PCMTD2: variants seen among roughly 807,000 people sequenced by gnomAD.
The protein encoded by PCMTD2 is protein-L-isoaspartate (D-aspartate) O-methyltransferase domain containing 2.
Under a neutral mutation model 33.4 loss-of-function variants are expected in PCMTD2, and 16 were observed. That is an observed-to-expected ratio of 0.48 (90% CI 0.32 to 0.73). The LOEUF (loss-of-function observed/expected upper bound fraction) is 0.73, where lower values mean the gene tolerates loss of function less well. Ranked by LOEUF, PCMTD2 falls within the 30% of genes least tolerant of loss-of-function variation. PCMTD2 has a pLI of 0.03. For synonymous variants in PCMTD2, 161 were observed against 160.8 expected (o/e 1.00, Z -0.01); for missense variants, 374 against 449.9 (o/e 0.83, Z 1.53).
At chr20:64,268,946 T>C (rs1172718052) in intron 5 of PCMTD2, among the ~76,000 whole-genome samples, 1 of 152,152 alleles carries the variant, frequency 6.6e-6, no homozygotes, top group African/African-American at 2.4e-5. Flanking sequence ...GAGGGTGATG[T>C]CTGTGCTTGG....
rs147827663 is a variant in PCMTD2 at position 64,266,766 on chromosome 20, T to C, written c.583-1121T>C. ...AAATGCATTGGATTTTTTATTGGAA[T>C]TGTATCATCTCGATAATTTGAGGAT... On this transcript the variant is annotated intron_variant, in intron 4 of 5. Coordinates refer to ENST00000308824, the MANE Select transcript of PCMTD2 (RefSeq NM_018257.3). Among the ~76,000 whole-genome samples the C allele has an allele frequency of 9.2e-5, 14 of 152,372 alleles. No homozygotes were observed. In the East Asian group the frequency reaches 2.7e-3, roughly 29 times the overall value.
chr20:64,263,527 C>T (rs1490773595), intron 2 of PCMTD2, among the ~76,000 whole-genome samples: 1 of 152,156 alleles, frequency 6.6e-6, no homozygotes, highest in East Asian at 1.9e-4. Context: ...CAAGTAAAGT[C>T]CTACGTGCCT....
intron 2 of PCMTD2, among the ~76,000 whole-genome samples, chr20:64,261,056 A>G (rs1256905307): frequency 2.0e-5 from 3 of 152,146 alleles, no homozygotes; most frequent in African/African-American, 4.8e-5. Flanking sequence ...TCAGGGATGG[A>G]AGGGATTTCA....
At chr20:64,269,751 CAT>C (rs1186669914) in intron 5 of PCMTD2, among the ~76,000 whole-genome samples, 6 of 143,984 alleles carry the variant, frequency 4.2e-5, no homozygotes, top group Admixed American at 2.1e-4. Flanking sequence ...AATGTGGGGT[CAT>C]GTGTGGACAT....
Position 64,273,286 on chromosome 20 carries a change from A to G in PCMTD2, c.772A>G (p.Ile258Val), listed in dbSNP as rs1985983521. The G allele has an allele frequency of 6.2e-7, 1 of 1,614,152 alleles. No individual in the cohort carries two copies. The highest frequency in any genetic ancestry group is 8.5e-7 in the Non-Finnish European group (1 of 1,179,984). Residue 258 changes from isoleucine (I) to valine (V), a missense_variant, in exon 6 of 6, where the codon ATT (isoleucine) becomes GTT (valine). By Grantham distance (29) the Ile-to-Val change is conservative. Coordinates refer to ENST00000308824, the MANE Select transcript of PCMTD2 (RefSeq NM_018257.3). ...CGCCATCCGGGGCACCATTAAAAAGATTATTCATCAGGAAACTGTGAGCAA... is the reference window on the plus strand; with the variant it reads ...CGCCATCCGGGGCACCATTAAAAAGGTTATTCATCAGGAAACTGTGAGCAA... ...RIAIRGTIKK[I>V]IHQETVSKNG...
chr20:64,258,989 A>G (rs1985280381), intron 1 of PCMTD2: 1 of 152,232 alleles, frequency 6.6e-6, no homozygotes, highest in Non-Finnish European at 1.5e-5. Flanking sequence ...CCTGTATTTT[A>G]ATAGTTAGGC....
At chr20:64,266,508 C>T (rs73626474) in intron 4 of PCMTD2, among the ~76,000 whole-genome samples, 5 of 152,268 alleles carry the variant, frequency 3.3e-5, no homozygotes, top group African/African-American at 4.8e-5. Context: ...CCGCCCACCT[C>T]GGCCTCCCAA....
At position 64,275,876 on chromosome 20, in the gene PCMTD2, T is replaced by C. The variant is rs1018023442; in HGVS notation, c.*2276T>C. ...AAAACAAGTTTCAAGTTTATAGATA[T>C]TAAGTTTGTAATGTGAGCATCAAAT... On this transcript the variant is annotated 3_prime_UTR_variant, in exon 6 of 6. Coordinates refer to ENST00000308824, the MANE Select transcript of PCMTD2 (RefSeq NM_018257.3). 3.9e-5 allele frequency: 6 copies of C among 152,224 alleles called. No homozygotes were observed. The highest frequency in any genetic ancestry group is 9.6e-5 in the African/African-American group (4 of 41,460). 9.4% of individuals were successfully genotyped at this position (152,224 alleles called of 1,614,324 possible). A position where few individuals can be genotyped will look rare whatever the true frequency, so the allele number is the denominator to read the frequency against.
At chr20:64,258,146 C>T (rs952163573) in intron 1 of PCMTD2, among the ~76,000 whole-genome samples, 10 of 152,160 alleles carry the variant, frequency 6.6e-5, no homozygotes, top group Non-Finnish European at 1.2e-4. Context: ...TGACTGAGGA[C>T]GGTATGCGAT....
In PCMTD2 at chr20:64,273,911, G is replaced by A. The variant is rs186826579; in HGVS notation, c.*311G>A. 5 of 241,652 alleles carry A rather than the reference G, an allele frequency of 2.1e-5. No individual in the cohort carries two copies. The highest frequency in any genetic ancestry group is 5.0e-5 in the Admixed American group (1 of 20,010). The allele number at this position is 241,652 out of a possible 1,614,324, so 15.0% of individuals were successfully genotyped here. A position where few individuals can be genotyped will look rare whatever the true frequency, so the allele number is the denominator to read the frequency against. On this transcript the variant is annotated 3_prime_UTR_variant, in exon 6 of 6. Transcript: ENST00000308824. ...GCTCTGACGAAACACTGAAGTCTGC[G>A]TAAGAGAGACTGTTTGATGACCGTC...
chr20:64,265,755 T>C (rs1009058757), intron 4 of PCMTD2: 6 of 250,230 alleles, frequency 2.4e-5, no homozygotes, highest in Non-Finnish European at 3.8e-5. Context: ...GAGTTTTAAT[T>C]CTAATTGTTA....
chr20:64,273,747 T>C lies in PCMTD2; in HGVS notation c.*147T>C. The C allele has an allele frequency of 1.8e-6, 1 of 559,704 alleles. No homozygotes were observed. The highest frequency in any genetic ancestry group is 3.0e-6 in the Non-Finnish European group (1 of 331,272). The allele number at this position is 559,704 out of a possible 1,614,324, so 34.7% of individuals were successfully genotyped here. ...CATCCACACCATGGTTTTCTTCTAGTTCCTGATTGACCTCTAAAATTCTAT... is the reference window on the plus strand; with the variant it reads ...CATCCACACCATGGTTTTCTTCTAGCTCCTGATTGACCTCTAAAATTCTAT... On this transcript the variant is annotated 3_prime_UTR_variant, in exon 6 of 6. Transcript: ENST00000308824.
intron 5 of PCMTD2, among the ~76,000 whole-genome samples, chr20:64,270,246 G>A (rs1416386750): frequency 6.7e-6 from 1 of 149,860 alleles, no homozygotes; most frequent in Admixed American, 6.6e-5. Context: ...ACGGTGTGGG[G>A]TCGTGTGAGT....
At chr20:64,267,283 C>G (rs913583436) in intron 4 of PCMTD2, among the ~76,000 whole-genome samples, 1 of 152,114 alleles carries the variant, frequency 6.6e-6, no homozygotes, top group Non-Finnish European at 1.5e-5. Flanking sequence ...GATTCCGGTG[C>G]TTTCGTGGGG....
chr20:64,270,153 G>C (rs1188237711), intron 5 of PCMTD2, among the ~76,000 whole-genome samples: 17 of 144,910 alleles, frequency 1.2e-4, no homozygotes, highest in Non-Finnish European at 2.6e-4. Flanking sequence ...GTCAGTGCGG[G>C]CATGCACGTT....
At position 64,273,577 on chromosome 20, in the gene PCMTD2, T is replaced by G; in HGVS notation, c.1063T>G (p.Leu355Val). Residue 355 changes from leucine (L) to valine (V), a missense_variant, in exon 6 of 6, where the codon TTG becomes GTG. Leu to Val is a conservative substitution (Grantham distance 32). Transcript: ENST00000308824. ...TCTGCCAGATCCCCTGAAATACTACTTGCTTTATTACAGAGAAAAATAAGT... is the reference window on the plus strand; with the variant it reads ...TCTGCCAGATCCCCTGAAATACTACGTGCTTTATTACAGAGAAAAATAAGT... ...LPLPDPLKYY[L>V]LYYREK is the part of the protein sequence containing the mutation. 3.3e-6 allele frequency: 5 copies of G among 1,524,722 alleles called. No homozygotes were observed. Among genetic ancestry groups the G allele is most frequent in the Non-Finnish European group, 4.4e-6 (5 of 1,140,146 alleles). The allele number at this position is 1,524,722 out of a possible 1,614,324, so 94.4% of individuals were successfully genotyped here.
chr20:64,272,768 C>G (rs1045925796), intron 5 of PCMTD2, among the ~76,000 whole-genome samples: 1 of 152,148 alleles, frequency 6.6e-6, no homozygotes, highest in South Asian at 2.1e-4. Context: ...TGCAGTAAGT[C>G]GAGATCACAC....
Position 64,265,326 on chromosome 20 carries a change from A to T in PCMTD2, c.479A>T (p.Tyr160Phe). The T allele has an allele frequency of 6.2e-7, 1 of 1,612,876 alleles. No homozygotes were observed. Among genetic ancestry groups the T allele is most frequent in the Non-Finnish European group, 8.5e-7 (1 of 1,179,684 alleles). Reference protein sequence around the residue: ...CLEISPDCSQYDRVYCGAGVQ... With the variant: ...CLEISPDCSQFDRVYCGAGVQ... ...GAGATTTCTCCGGATTGTTCTCAGTATGATCGTGTATACTGTGGGGCTGGC... is the reference window on the plus strand; with the variant it reads ...GAGATTTCTCCGGATTGTTCTCAGTTTGATCGTGTATACTGTGGGGCTGGC... Residue 160 changes from tyrosine (Y) to phenylalanine (F), a missense_variant, in exon 4 of 6, where the codon TAT becomes TTT. By Grantham distance (22) the Tyr-to-Phe change is conservative (BLOSUM62 3). Transcript: ENST00000308824.
chr20:64,264,592 A>T (rs1370044205), intron 3 of PCMTD2, 61 bp downstream of exon 3: 1 of 847,892 alleles, frequency 1.2e-6, no homozygotes, highest in Non-Finnish European at 2.0e-6. Context: ...CAAAGTTTTG[A>T]TCAGATAGAA....
Sources: allele counts gnomAD v4.1 joint callset (sites outside exome capture counted in the v4.1 genomes callset), GRCh38; gene constraint gnomAD v4.1.1; transcripts MANE v1.5; gene names NCBI Gene and HGNC (gene_info 2026-07-23, HGNC 2026-07-21).